NPIPB2: variants seen among roughly 807,000 people sequenced by gnomAD.
NPIPB2 encodes nuclear pore complex-interacting protein family member B2.
In NPIPB2, 27 loss-of-function variants were observed where a neutral mutation model predicts 30.8. That is an observed-to-expected ratio of 0.88 (90% CI 0.65 to 1.21). NPIPB2 has a LOEUF of 1.21. NPIPB2 is among the 50% of genes most tolerant of loss of function. The pLI is 0.00. For synonymous variants in NPIPB2, 147 were observed against 162.0 expected (o/e 0.91, Z 0.70); for missense variants, 440 against 446.2 (o/e 0.99, Z 0.13).
At chr16:11,976,633 C>G in exon 1 of NPIPB2, 1 of 392,922 alleles carries the variant, frequency 2.5e-6, no homozygotes, top group East Asian at 4.1e-5. Flanking sequence ...CTTGGATCTG[C>G]GCCGCGGTTT....
upstream of NPIPB2, chr16:11,942,138 G>A (rs147157693): frequency 3.8e-3 from 5,749 of 1,523,624 alleles, 55 homozygotes; most frequent in South Asian, 0.014. Context: ...ACAAATGTAC[G>A]TACATTCATT....
chr16:11,948,873 C>T, intron 1 of NPIPB2, among the ~76,000 whole-genome samples: 1 of 151,218 alleles, frequency 6.6e-6, no homozygotes, highest in East Asian at 1.9e-4. Flanking sequence ...TGTGGTGGCT[C>T]ATGTCGGTAA....
chr16:11,934,727 T>TGG (rs2054842008), intron 2 of NPIPB2, among the ~76,000 whole-genome samples: 1 of 148,850 alleles, frequency 6.7e-6, no homozygotes, highest in East Asian at 2.0e-4. Flanking sequence ...AGCATGGTGA[T>TGG]GCACGCCTGT....
intron 2 of NPIPB2, among the ~76,000 whole-genome samples, chr16:11,937,173 C>T (rs1424874321): frequency 6.6e-6 from 1 of 152,198 alleles, no homozygotes; most frequent in East Asian, 1.9e-4. Flanking sequence ...AGTGAATCTT[C>T]AGAGACGAGA....
At chr16:11,964,972 A>G in intron 1 of NPIPB2, 1 of 344,582 alleles carries the variant, frequency 2.9e-6, no homozygotes, top group South Asian at 4.4e-5. Context: ...CTGTTACTGA[A>G]CATTCGGCTT....
At chr16:11,976,261 C>A (rs2055294429) in intron 1 of NPIPB2, among the ~76,000 whole-genome samples, 1 of 152,178 alleles carries the variant, frequency 6.6e-6, no homozygotes, top group African/African-American at 2.4e-5. Context: ...CTCCTGTCAA[C>A]CCCTCCAGGC....
chr16:11,948,007 A>G (rs1297206261), intron 1 of NPIPB2, among the ~76,000 whole-genome samples: 1 of 148,266 alleles, frequency 6.7e-6, no homozygotes, highest in Non-Finnish European at 1.5e-5. Flanking sequence ...ACTGGCCACT[A>G]GATACAGACC....
intron 1 of NPIPB2, among the ~76,000 whole-genome samples, chr16:11,958,906 A>G (rs1208657665): frequency 6.6e-6 from 1 of 152,184 alleles, no homozygotes; most frequent in Non-Finnish European, 1.5e-5. Context: ...GGAGGTGAAG[A>G]TCTGGGAGTG....
At chr16:11,941,264 C>G in intron 1 of NPIPB2, 1 of 1,499,000 alleles carries the variant, frequency 6.7e-7, no homozygotes, top group South Asian at 1.2e-5. Flanking sequence ...TTTCAGGGCG[C>G]CCTGAGGCGG....
At chr16:11,959,481 C>A (rs7190636) in intron 1 of NPIPB2, among the ~76,000 whole-genome samples, 1 of 151,640 alleles carries the variant, frequency 6.6e-6, no homozygotes, top group African/African-American at 2.4e-5. Context: ...TCCTAGCTAC[C>A]TGAGAGGCTG....
intron 1 of NPIPB2, among the ~76,000 whole-genome samples, chr16:11,951,666 A>ACACACACACACACACACACCC (rs1226047972): frequency 7.2e-6 from 1 of 138,966 alleles, no homozygotes; most frequent in Non-Finnish European, 1.6e-5. Context: ...ACACACACAC[A>ACACACACACACACACACACCC]CCCAGCCCCC....
chr16:11,944,178 T>C (rs2054976901), upstream of NPIPB2, among the ~76,000 whole-genome samples: 1 of 151,114 alleles, frequency 6.6e-6, no homozygotes, highest in African/African-American at 2.4e-5. Flanking sequence ...GGATTTTTTT[T>C]TTTTTTTTGG....
exon 8 of NPIPB2, chr16:11,927,661 C>A (rs752370165): frequency 1.3e-6 from 2 of 1,597,726 alleles, no homozygotes; most frequent in East Asian, 4.5e-5. Context: ...TGAGCAGACA[C>A]TCGGGAGGTG....
chr16:11,961,411 T>A (rs1419209007), intron 1 of NPIPB2, among the ~76,000 whole-genome samples: 3 of 149,632 alleles, frequency 2.0e-5, no homozygotes, highest in East Asian at 1.9e-4. Flanking sequence ...GTCCTGCATT[T>A]AAAAAAAAAA....
chr16:11,951,821 A>G (rs72782774), intron 1 of NPIPB2, among the ~76,000 whole-genome samples: 38,178 of 151,402 alleles, frequency 0.25, 6,301 homozygotes, highest in East Asian at 0.58. Context: ...AGGTCAGGAG[A>G]TCAAGACCAT....
At chr16:11,966,392 T>C (rs760944593) in intron 1 of NPIPB2, 1 of 1,563,876 alleles carries the variant, frequency 6.4e-7, no homozygotes, top group Non-Finnish European at 8.7e-7. Context: ...ATGGCTATTG[T>C]GAGTTTCAGT....
intron 1 of NPIPB2, among the ~76,000 whole-genome samples, chr16:11,969,193 C>A (rs1181031643): frequency 6.6e-6 from 1 of 151,804 alleles, no homozygotes; most frequent in African/African-American, 2.4e-5. Context: ...ATGGTTAGGG[C>A]GCTTCTCTCC....
At chr16:11,948,983 T>C (rs984371780) in intron 1 of NPIPB2, among the ~76,000 whole-genome samples, 1 of 150,976 alleles carries the variant, frequency 6.6e-6, no homozygotes, top group Non-Finnish European at 1.5e-5. Flanking sequence ...ACAAAAAATT[T>C]GAAAATTAGC....
chr16:11,961,877 A>C (rs567845400), intron 1 of NPIPB2, among the ~76,000 whole-genome samples: 1 of 152,108 alleles, frequency 6.6e-6, no homozygotes, highest in African/African-American at 2.4e-5. Flanking sequence ...ATAGACAGAC[A>C]TAAACAGAGG....
Sources: allele counts gnomAD v4.1 joint callset (sites outside exome capture counted in the v4.1 genomes callset), GRCh38; gene constraint gnomAD v4.1.1; transcripts MANE v1.5; gene names NCBI Gene and HGNC (gene_info 2026-07-23, HGNC 2026-07-21).